Variants in IQCM observed in about 807,000 individuals in gnomAD.
The protein encoded by IQCM is IQ domain-containing protein M.
A neutral mutation model predicts 57.6 loss-of-function variants in IQCM; 45 were observed. The ratio of observed to expected loss-of-function variants is 0.78; its 90% CI spans 0.62 to 1.00. The LOEUF (loss-of-function observed/expected upper bound fraction) is 1.00, where lower values mean the gene tolerates loss of function less well. IQCM is among the 50% of genes least tolerant of loss of function. The pLI is 0.00. For missense variants in IQCM, 468 were observed against 511.6 expected (o/e 0.91, Z 0.82); for synonymous variants, 148 against 158.9 (o/e 0.93, Z 0.51).
rs191177603 is a variant in IQCM, at chr4:149,511,608, C to A, written c.1228+36847G>T. ...TAAAAAAATGTATTTCGTGAGATCT[C>A]CAGTTTGGGTCTGGTGACATATCTC... is the stretch of plus-strand genomic sequence containing the variant. On this transcript the variant is annotated intron_variant, in intron 12 of 13. Coordinates refer to ENST00000636793, the MANE Select transcript of IQCM (RefSeq NM_001363507.2). Among the ~76,000 whole-genome samples, 21 of 151,870 alleles carry A rather than the reference C, an allele frequency of 1.4e-4. No homozygotes were observed. The South Asian group carries it at 1.5e-3, about 11-fold the overall frequency.
chr4:149,664,079 T>C (rs544196166), intron 7 of IQCM, among the ~76,000 whole-genome samples: 3 of 152,246 alleles, frequency 2.0e-5, no homozygotes, highest in African/African-American at 7.2e-5. Flanking sequence ...TAGTCTGTTG[T>C]TGAAGCCCTC....
chr4:149,722,369 T>C (rs1469747598), intron 5 of IQCM, among the ~76,000 whole-genome samples: 1 of 152,070 alleles, frequency 6.6e-6, no homozygotes, highest in Non-Finnish European at 1.5e-5. Flanking sequence ...ATTATTTGCC[T>C]AGGCCAATGT....
intron 2 of IQCM, among the ~76,000 whole-genome samples, chr4:149,761,072 C>T (rs1056423900): frequency 1.3e-5 from 2 of 152,206 alleles, no homozygotes; most frequent in South Asian, 4.1e-4. Flanking sequence ...GGGACCACTA[C>T]TATTCTGCCA....
At chr4:149,567,999 C>T (rs1045957749) in intron 9 of IQCM, among the ~76,000 whole-genome samples, 8 of 152,120 alleles carry the variant, frequency 5.3e-5, no homozygotes, top group African/African-American at 1.9e-4. Context: ...TTAGAGTCTA[C>T]TTGCTTTGCC....
intron 13 of IQCM, among the ~76,000 whole-genome samples, chr4:149,414,826 A>C (rs1408491767): frequency 2.0e-5 from 3 of 152,102 alleles, no homozygotes; most frequent in Admixed American, 6.5e-5. Context: ...TATAAAATTT[A>C]ATAGATTAAA....
rs745772423 is a variant in IQCM at position 149,788,585 on chromosome 4, G to C, written c.-49+26726C>G. Among the ~76,000 whole-genome samples, 4 of 152,238 alleles carry C rather than the reference G, an allele frequency of 2.6e-5. No homozygotes were observed. The South Asian group carries it at 6.2e-4, about 24-fold the overall frequency. On this transcript the variant is annotated intron_variant, in intron 2 of 13. Coordinates refer to ENST00000636793, the MANE Select transcript of IQCM (RefSeq NM_001363507.2). ...TACAGCCACTACGGAAAACAGTATG[G>C]AGATTGCTCAAAAAATTAAAAATAG... is the stretch of plus-strand genomic sequence containing the variant.
At chr4:149,575,553 C>T (rs1751553549) in intron 9 of IQCM, among the ~76,000 whole-genome samples, 1 of 151,706 alleles carries the variant, frequency 6.6e-6, no homozygotes, top group Non-Finnish European at 1.5e-5. Context: ...TTCTTGGGTG[C>T]CTTCTGTTCT....
chr4:149,521,860 A>G (rs1223132355), intron 12 of IQCM, among the ~76,000 whole-genome samples: 1 of 152,068 alleles, frequency 6.6e-6, no homozygotes, highest in Non-Finnish European at 1.5e-5. Flanking sequence ...GGGCCTGGAG[A>G]GCATGAGTAA....
intron 7 of IQCM, among the ~76,000 whole-genome samples, chr4:149,635,718 C>G (rs370672021): frequency 7.4e-4 from 112 of 152,156 alleles, no homozygotes; most frequent in African/African-American, 2.5e-3. Flanking sequence ...CGAGAATTAC[C>G]TCTCCAGTCC....
At chr4:149,616,112 G>T (rs1318005299) in intron 8 of IQCM, among the ~76,000 whole-genome samples, 7 of 152,092 alleles carry the variant, frequency 4.6e-5, no homozygotes, top group Admixed American at 2.6e-4. Context: ...ACACCCAGAA[G>T]AAGTAAAAGT....
intron 7 of IQCM, among the ~76,000 whole-genome samples, chr4:149,657,527 G>T (rs1365304305): frequency 1.3e-5 from 2 of 152,096 alleles, no homozygotes; most frequent in African/African-American, 4.8e-5. Flanking sequence ...TACAGACCCA[G>T]TAGTTTGATT....
At chr4:149,770,446 G>A (rs528157634) in intron 2 of IQCM, among the ~76,000 whole-genome samples, 2 of 152,112 alleles carry the variant, frequency 1.3e-5, no homozygotes, top group East Asian at 3.9e-4. Flanking sequence ...CTTCTGTGAG[G>A]CAAGTATTAA....
chr4:149,629,535 G>T (rs1342726136), intron 7 of IQCM, among the ~76,000 whole-genome samples: 1 of 151,896 alleles, frequency 6.6e-6, no homozygotes, highest in African/African-American at 2.4e-5. Flanking sequence ...AACAGCCTCT[G>T]GGTGTTCCTA....
chr4:149,420,943 T>C (rs905864259), intron 13 of IQCM, among the ~76,000 whole-genome samples: 2 of 152,066 alleles, frequency 1.3e-5, no homozygotes, highest in Non-Finnish European at 2.9e-5. Context: ...TTAAAGTCTA[T>C]AGTAGGTGCC....
intron 2 of IQCM, among the ~76,000 whole-genome samples, chr4:149,810,324 T>A (rs1004809104): frequency 7.7e-6 from 1 of 130,048 alleles, no homozygotes; most frequent in Non-Finnish European, 1.6e-5. Flanking sequence ...ATTGCGCCAT[T>A]ACACTCCAGC....
At chr4:149,639,640 G>C (rs1267452777) in intron 7 of IQCM, among the ~76,000 whole-genome samples, 2 of 151,946 alleles carry the variant, frequency 1.3e-5, no homozygotes, top group Non-Finnish European at 2.9e-5. Context: ...TCATCTTTAG[G>C]CCAGGTGCAG....
chr4:149,809,886 T>C (rs1334375402), intron 2 of IQCM, among the ~76,000 whole-genome samples: 1 of 152,184 alleles, frequency 6.6e-6, no homozygotes, highest in Non-Finnish European at 1.5e-5. Context: ...GCAACCCAGA[T>C]AGATCAGATA....
In IQCM at chr4:149,398,189, T is replaced by C. The variant is rs1249957345; in HGVS notation, c.1390+35207A>G. On this transcript the variant is annotated intron_variant, in intron 13 of 13. Coordinates refer to ENST00000636793, the MANE Select transcript of IQCM (RefSeq NM_001363507.2). The stretch of plus-strand genomic sequence containing the variant: ...GCCCTTATTGAAGATTAGTTGACCA[T>C]GTATGGGTATAATTACTTCTGGGCT... Among the ~76,000 whole-genome samples the C allele has an allele frequency of 3.3e-5, 5 of 152,130 alleles. No individual in the cohort carries two copies. The East Asian group carries it at 9.7e-4, about 30-fold the overall frequency.
intron 13 of IQCM, among the ~76,000 whole-genome samples, chr4:149,397,602 T>C (rs1442517293): frequency 6.6e-6 from 1 of 152,026 alleles, no homozygotes; most frequent in Non-Finnish European, 1.5e-5. Context: ...TCCCAGGCCA[T>C]ACAGAACTGT....
Sources: gnomAD v4.1 joint callset for allele counts (sites outside exome capture counted in the v4.1 genomes callset) on GRCh38, gnomAD v4.1.1 for gene constraint, MANE v1.5 for transcripts, NCBI Gene and HGNC (gene_info 2026-07-23, HGNC 2026-07-21) for gene names.